CD80: variants seen among roughly 807,000 people sequenced by gnomAD.
The protein encoded by CD80 is CD80 molecule, also known as T-lymphocyte activation antigen CD80.
A neutral mutation model predicts 27.1 loss-of-function variants in CD80; 13 were observed. The observed-to-expected ratio is 0.48, with a 90% CI of 0.31 to 0.76. CD80 has a LOEUF of 0.76. Among genes scored for constraint, CD80 ranks in the 30% least tolerant of loss-of-function variants. The probability of loss-of-function intolerance (pLI) is 0.04; values close to 1 mark genes in which losing one functional copy is unlikely to be tolerated. For synonymous variants in CD80, 125 were observed against 125.5 expected (o/e 1.00, Z 0.03); for missense variants, 277 against 347.9 (o/e 0.80, Z 1.62).
intron 2 of CD80, 101 bp downstream of exon 2, chr3:119,557,528 C>A: frequency 2.9e-6 from 2 of 690,362 alleles, no homozygotes; most frequent in East Asian, 3.0e-5. Context: ...AAGGTTCCTT[C>A]CAGCTTATAG....
At chr3:119,540,551 A>G (rs2082162240) in intron 3 of CD80, among the ~76,000 whole-genome samples, 2 of 152,118 alleles carry the variant, frequency 1.3e-5, no homozygotes, top group Admixed American at 6.5e-5. Flanking sequence ...AATTTATCCT[A>G]TAAGATCGAC....
At chr3:119,529,384 A>G (rs2082097253) in intron 5 of CD80, among the ~76,000 whole-genome samples, 1 of 152,180 alleles carries the variant, frequency 6.6e-6, no homozygotes, top group African/African-American at 2.4e-5. Context: ...CTCCAAATCA[A>G]AATTAGAATA....
chr3:119,552,895 C>T (rs989228549), intron 2 of CD80, among the ~76,000 whole-genome samples: 1 of 151,950 alleles, frequency 6.6e-6, no homozygotes, highest in African/African-American at 2.4e-5. Flanking sequence ...AAAGAAATGT[C>T]TAGAACAGGC....
chr3:119,525,843 ATT>A (rs1354209523), intron 6 of CD80, 94 bp from the exon 7 acceptor site: 1 of 147,416 alleles, frequency 6.8e-6, no homozygotes, highest in Non-Finnish European at 1.5e-5. Flanking sequence ...TACATATATA[ATT>A]TTTAAATTAT....
chr3:119,556,862 G>A (rs2107749264), intron 2 of CD80, among the ~76,000 whole-genome samples: 1 of 152,002 alleles, frequency 6.6e-6, no homozygotes. Flanking sequence ...AAAAAAATCA[G>A]AACCATCCTG....
chr3:119,558,976 C>A (rs1353291755), intron 1 of CD80, among the ~76,000 whole-genome samples: 1 of 152,026 alleles, frequency 6.6e-6, no homozygotes, highest in Non-Finnish European at 1.5e-5. Flanking sequence ...TCCAGCCACG[C>A]CATATTGTTT....
At chr3:119,532,501 A>AG (rs945512275) in intron 4 of CD80, among the ~76,000 whole-genome samples, 71 of 39,518 alleles carry the variant, frequency 1.8e-3, no homozygotes, top group Non-Finnish European at 3.4e-3. Flanking sequence ...AGACAAAGAA[A>AG]AAAAAAAAAA....
intron 2 of CD80, among the ~76,000 whole-genome samples, chr3:119,554,081 A>G (rs928044547): frequency 1.3e-5 from 2 of 152,238 alleles, no homozygotes; most frequent in African/African-American, 2.4e-5. Context: ...GACCCTGCTC[A>G]TATACTCTGT....
chr3:119,554,537 G>A (rs766358298), intron 2 of CD80, among the ~76,000 whole-genome samples: 1 of 152,172 alleles, frequency 6.6e-6, no homozygotes, highest in Non-Finnish European at 1.5e-5. Context: ...AGTGCCTGCA[G>A]GCCTAGAGGG....
chr3:119,547,680 T>TG (rs2107746052), intron 2 of CD80, among the ~76,000 whole-genome samples: 1 of 152,340 alleles, frequency 6.6e-6, no homozygotes, highest in East Asian at 1.9e-4. Flanking sequence ...AGACATCCAC[T>TG]GTGTGATTGG....
chr3:119,528,043 C>T (rs185654529), intron 5 of CD80, among the ~76,000 whole-genome samples: 20 of 152,200 alleles, frequency 1.3e-4, no homozygotes, highest in East Asian at 3.9e-4. Flanking sequence ...TTTTGATTGT[C>T]GCAACGGGCA....
In CD80 at chr3:119,529,916, T is replaced by C. The variant is rs922012638; in HGVS notation, c.722A>G (p.Asp241Gly). The C allele has an allele frequency of 6.2e-7, 1 of 1,613,446 alleles. No individual in the cohort carries two copies. The highest frequency in any genetic ancestry group is 8.5e-7 in the Non-Finnish European group (1 of 1,179,496). ...AATGGCCCAGGATGGGAGCAGGTTA[T>C]CAGGAAAATGCTCTTGCTTGGCTAT... The part of the protein sequence containing the change: ...WNTTKQEHFP[D>G]NLLPSWAITL... Residue 241 changes from aspartate (D) to glycine (G), a missense_variant, in exon 5 of 7, where the codon GAT (aspartate) becomes GGT (glycine). By Grantham distance (94) the Asp-to-Gly change is moderately conservative. Coordinates refer to ENST00000264246, the MANE Select transcript of CD80 (RefSeq NM_005191.4).
In CD80 at chr3:119,546,731, T is replaced by C. The variant is rs145572985; in HGVS notation, c.101-1864A>G. On this transcript the variant is annotated intron_variant, in intron 2 of 6. Coordinates refer to ENST00000264246, the MANE Select transcript of CD80 (RefSeq NM_005191.4). ...CTTGAGAAATAAGGAAGAATTTCACTGTAAAGACCTAGTCTCTGATGCTCA... is the reference window on the plus strand; with the variant it reads ...CTTGAGAAATAAGGAAGAATTTCACCGTAAAGACCTAGTCTCTGATGCTCA... 5.8e-3 allele frequency among the ~76,000 whole-genome samples: 884 copies of C among 152,194 alleles called. 8 individuals carry two copies. Among genetic ancestry groups the C allele is most frequent in the African/African-American group, 0.02 (838 of 41,530 alleles).
Position 119,557,676 on chromosome 3 carries a change from T to C in CD80, c.53A>G (p.Asn18Ser), listed in dbSNP as rs1256099911. The change falls in exon 2 of 7, where the codon AAT (asparagine) becomes AGT (serine). Residue 18 changes from asparagine to serine, a missense_variant. Transcript: ENST00000264246. ...GTSPSKCPYL[N>S]FFQLLVLAGL... ...AGCCAGCACCAAGAGCTGAAAGAAATTGAGGTATGGACACTTGGATGGTGA... is the reference window on the plus strand; with the variant it reads ...AGCCAGCACCAAGAGCTGAAAGAAACTGAGGTATGGACACTTGGATGGTGA... The C allele has an allele frequency of 3.1e-6, 5 of 1,613,664 alleles. No homozygotes were observed. The Admixed American group carries it at 5.0e-5, about 16-fold the overall frequency.
At chr3:119,555,257 C>G (rs565058074) in intron 2 of CD80, among the ~76,000 whole-genome samples, 14 of 152,332 alleles carry the variant, frequency 9.2e-5, no homozygotes, top group Non-Finnish European at 1.9e-4. Flanking sequence ...ATTAACACAT[C>G]ATTACCACCC....
chr3:119,555,214 G>A (rs1012358314), intron 2 of CD80, among the ~76,000 whole-genome samples: 1 of 152,186 alleles, frequency 6.6e-6, no homozygotes, highest in African/African-American at 2.4e-5. Context: ...TCCTGCGCCA[G>A]GGCAGTACAC....
intron 2 of CD80, among the ~76,000 whole-genome samples, chr3:119,549,169 T>A (rs571646912): frequency 6.6e-6 from 1 of 152,336 alleles, no homozygotes; most frequent in African/African-American, 2.4e-5. Context: ...TCAGGTACCC[T>A]AAATGGATCC....
At chr3:119,545,201 C>T (rs373147489) in intron 2 of CD80, among the ~76,000 whole-genome samples, 18 of 151,994 alleles carry the variant, frequency 1.2e-4, no homozygotes, top group African/African-American at 4.1e-4. Context: ...AAAAATTAGC[C>T]GGGTGTGGTG....
intron 2 of CD80, among the ~76,000 whole-genome samples, chr3:119,551,734 C>T (rs2082233473): frequency 6.6e-6 from 1 of 152,194 alleles, no homozygotes; most frequent in East Asian, 1.9e-4. Flanking sequence ...TCACAGGATA[C>T]CAGATGTAAA....
Sources: allele counts gnomAD v4.1 joint callset (sites outside exome capture counted in the v4.1 genomes callset), GRCh38; gene constraint gnomAD v4.1.1; transcripts MANE v1.5; gene names NCBI Gene and HGNC (gene_info 2026-07-23, HGNC 2026-07-21).